The following BNC2 variants were observed in gnomAD, a reference collection of about 807,000 sequenced individuals.
BNC2 encodes zinc finger protein basonuclin-2.
Under a neutral mutation model 76.3 loss-of-function variants are expected in BNC2, and 20 were observed. That is an observed-to-expected ratio of 0.26 (90% CI 0.18 to 0.38). The LOEUF is 0.38. Ranked by LOEUF, BNC2 falls within the 10% of genes least tolerant of loss-of-function variation. The pLI is 1.00. For missense variants in BNC2, 1,382 were observed against 1,399.8 expected (o/e 0.99, Z 0.20); for synonymous variants, 582 against 514.8 (o/e 1.13, Z -1.77).
rs182950224 is a variant in BNC2, at chr9:16,527,626, A to C, written c.669+24904T>G. The stretch of plus-strand genomic sequence containing the variant: ...TCTGTGAACGACAACTGATAGGTCA[A>C]ATCACTAGGGAGCGGCTAAAGAGTT... On this transcript the variant is annotated intron_variant, in intron 5 of 6. Transcript: ENST00000380672. 2.9e-3 allele frequency among the ~76,000 whole-genome samples: 447 copies of C among 152,292 alleles called. 1 individual carries two copies. The highest frequency in any genetic ancestry group is 4.2e-3 in the Admixed American group (64 of 15,294).
intron 1 of BNC2, among the ~76,000 whole-genome samples, chr9:16,805,691 T>C (rs986513205): frequency 6.8e-6 from 1 of 146,876 alleles, no homozygotes; most frequent in East Asian, 2.1e-4. Context: ...TTAAAGTACT[T>C]ACATGTATAA....
In BNC2 at chr9:16,632,428, G is replaced by GA. The variant is rs35423419; in HGVS notation, c.331-49344dup. On this transcript the variant is annotated intron_variant, in intron 3 of 6. Transcript: ENST00000380672. ...TGATGGCTAAGAAAGACTAAAACGGGAAAAAAAAAAAATCTGTGTATGTAA... is the reference window on the plus strand; with the variant it reads ...TGATGGCTAAGAAAGACTAAAACGGGAAAAAAAAAAAAATCTGTGTATGTAA... 2.0e-3 allele frequency among the ~76,000 whole-genome samples: 304 copies of GA among 148,488 alleles called. 1 individual carries two copies. The highest frequency in any genetic ancestry group is 3.5e-3 in the Middle Eastern group (1 of 286).
chr9:16,585,816 G>T (rs1413332482), intron 3 of BNC2, among the ~76,000 whole-genome samples: 2 of 152,066 alleles, frequency 1.3e-5, no homozygotes, highest in Admixed American at 1.3e-4. Context: ...ATTCTTGTGA[G>T]CATGTTCACA....
At chr9:16,729,724 T>C (rs1446851436) in intron 2 of BNC2, among the ~76,000 whole-genome samples, 2 of 152,114 alleles carry the variant, frequency 1.3e-5, no homozygotes, top group East Asian at 1.9e-4. Context: ...TACGAGTCAA[T>C]TGTCAACAGT....
chr9:16,453,962 C>T (rs1340044653), intron 5 of BNC2, among the ~76,000 whole-genome samples: 4 of 152,182 alleles, frequency 2.6e-5, no homozygotes, highest in African/African-American at 9.7e-5. Context: ...AACTAGAGAA[C>T]TTAGCTTTCA....
intron 1 of BNC2, among the ~76,000 whole-genome samples, chr9:16,798,492 T>A (rs1289207490): frequency 1.3e-5 from 2 of 152,214 alleles, no homozygotes; most frequent in East Asian, 3.9e-4. Flanking sequence ...GTTCAGAGGT[T>A]AAAAGTACTA....
At chr9:16,589,413 T>C (rs1324553885) in intron 3 of BNC2, among the ~76,000 whole-genome samples, 1 of 152,080 alleles carries the variant, frequency 6.6e-6, no homozygotes, top group Non-Finnish European at 1.5e-5. Context: ...CTCAAACTCC[T>C]AAGCTCAAGC....
chr9:16,518,579 TTTTTTG>T (rs1817511240), intron 5 of BNC2, among the ~76,000 whole-genome samples: 2 of 86,372 alleles, frequency 2.3e-5, no homozygotes, highest in African/African-American at 7.1e-5. Flanking sequence ...TATATATATA[TTTTTTG>T]TTGTTGTTGT....
At chr9:16,429,227 G>A (rs890270364) in intron 6 of BNC2, 1 of 152,100 alleles carries the variant, frequency 6.6e-6, no homozygotes, top group Non-Finnish European at 1.5e-5. Flanking sequence ...CTTCCTCTTA[G>A]TACAACCACG....
At chr9:16,799,859 A>G (rs528057183) in intron 1 of BNC2, among the ~76,000 whole-genome samples, 2 of 152,250 alleles carry the variant, frequency 1.3e-5, no homozygotes, top group Admixed American at 1.3e-4. Context: ...CCAAAATCCT[A>G]TTTTTGCACT....
chr9:16,572,829 T>TCA (rs1353568429), intron 4 of BNC2, among the ~76,000 whole-genome samples: 2 of 152,122 alleles, frequency 1.3e-5, no homozygotes, highest in Non-Finnish European at 2.9e-5. Flanking sequence ...GTTAGGATTA[T>TCA]CACACCAATT....
chr9:16,829,826 A>G (rs1012683895), intron 1 of BNC2, among the ~76,000 whole-genome samples: 1 of 152,248 alleles, frequency 6.6e-6, no homozygotes, highest in African/African-American at 2.4e-5. Flanking sequence ...AATACTTAAG[A>G]AAAATAAATA....
intron 1 of BNC2, among the ~76,000 whole-genome samples, chr9:16,792,911 T>TTAAC (rs1482870091): frequency 6.6e-6 from 1 of 152,206 alleles, no homozygotes; most frequent in African/African-American, 2.4e-5. Flanking sequence ...AAGGGATTAG[T>TTAAC]TAACTAAAAT....
chr9:16,814,197 G>A lies in BNC2; in HGVS notation c.3+56449C>T, dbSNP rs1287985077. On this transcript the variant is annotated intron_variant, in intron 1 of 6. Transcript: ENST00000380672. ...ACTCCAGGCAAGAGCAATGATAAAT[G>A]TTTTTGCCTTGTCTATAAGGTAAAG... Among the ~76,000 whole-genome samples the A allele has an allele frequency of 3.3e-5, 5 of 152,160 alleles. No homozygotes were observed. In the East Asian group the frequency reaches 9.6e-4, roughly 29 times the overall value.
chr9:16,487,478 T>C (rs960231834), intron 5 of BNC2, among the ~76,000 whole-genome samples: 5 of 152,244 alleles, frequency 3.3e-5, no homozygotes, highest in Admixed American at 3.3e-4. Context: ...TTTATTACAG[T>C]ACTGCACAGT....
intron 3 of BNC2, among the ~76,000 whole-genome samples, chr9:16,670,587 T>C (rs1447584460): frequency 3.3e-5 from 5 of 152,214 alleles, no homozygotes; most frequent in African/African-American, 1.2e-4. Flanking sequence ...GATAAAGCAG[T>C]AGACTTGTGT....
At chr9:16,460,305 C>T (rs1587053585) in intron 5 of BNC2, among the ~76,000 whole-genome samples, 1 of 149,230 alleles carries the variant, frequency 6.7e-6, no homozygotes, top group African/African-American at 2.5e-5. Flanking sequence ...GGAGGTAAAA[C>T]GGAACAGAAA....
intron 1 of BNC2, among the ~76,000 whole-genome samples, chr9:16,831,302 T>C (rs369329685): frequency 5.9e-4 from 90 of 152,354 alleles, no homozygotes; most frequent in African/African-American, 2.0e-3. Context: ...CACAATGAAG[T>C]GCCAAATGTC....
chr9:16,512,442 T>G (rs1822778095), intron 5 of BNC2, among the ~76,000 whole-genome samples: 1 of 151,930 alleles, frequency 6.6e-6, no homozygotes, highest in Admixed American at 6.6e-5. Context: ...GGGATAATGC[T>G]GACACACAGC....
Sources: gnomAD v4.1 joint callset for allele counts (sites outside exome capture counted in the v4.1 genomes callset) on GRCh38, gnomAD v4.1.1 for gene constraint, MANE v1.5 for transcripts, NCBI Gene and HGNC (gene_info 2026-07-23, HGNC 2026-07-21) for gene names.